Variants in ZC3H12D observed in about 807,000 individuals in gnomAD.
ZC3H12D encodes zinc finger CCCH-type containing 12D.
A neutral mutation model predicts 24.2 loss-of-function variants in ZC3H12D; 11 were observed. The ratio of observed to expected loss-of-function variants is 0.46; its 90% confidence interval spans 0.29 to 0.75. The LOEUF (loss-of-function observed/expected upper bound fraction) is 0.75, where lower values mean the gene tolerates loss of function less well. ZC3H12D is among the 30% of genes least tolerant of loss of function. ZC3H12D has a pLI of 0.11. For missense variants in ZC3H12D, 740 were observed against 767.7 expected, an observed-to-expected ratio of 0.96 and a Z score of 0.43; for synonymous variants, 333 against 341.8, an observed-to-expected ratio of 0.97 and a Z score of 0.28.
rs1775923152 is a variant in ZC3H12D at position 149,452,807 on chromosome 6, C to T, written c.681-85G>A. On this transcript the variant is annotated intron_variant, in intron 4 of 5. Coordinates refer to ENST00000409806, the MANE Select transcript of ZC3H12D (RefSeq NM_207360.3). This position sits in a 1 kb window ranked among gnomAD's most constrained non-coding sequence, Gnocchi z 4.0. ...ACAAAGGGAGCAGGCCCAAGTTCCCCAAGAACACCAGGAAGCATTCGGCCC... is the reference window on the plus strand; with the variant it reads ...ACAAAGGGAGCAGGCCCAAGTTCCCTAAGAACACCAGGAAGCATTCGGCCC... 2 of 1,227,706 alleles carry T rather than the reference C, an allele frequency of 1.6e-6. No homozygotes were observed. Among genetic ancestry groups the T allele is most frequent in the African/African-American group, 3.0e-5 (2 of 66,762 alleles). The allele number at this position is 1,227,706 out of a possible 1,614,324, so 76.1% of individuals were successfully genotyped here.
intron 3 of ZC3H12D, among the ~76,000 whole-genome samples, chr6:149,461,351 A>AG (rs1269802244): frequency 1.8e-3 from 235 of 131,014 alleles, no homozygotes; most frequent in African/African-American, 8.0e-3. Flanking sequence ...AAAAAAAAAA[A>AG]AAAGAAGAAG....
chr6:149,474,935 G>T (rs1776311942), intron 1 of ZC3H12D, among the ~76,000 whole-genome samples: 1 of 151,030 alleles, frequency 6.6e-6, no homozygotes, highest in Non-Finnish European at 1.5e-5. Context: ...CAGACTCTGT[G>T]GGGGGCTGAA....
intron 4 of ZC3H12D, among the ~76,000 whole-genome samples, chr6:149,454,945 C>A (rs548685375): frequency 1.3e-5 from 2 of 152,258 alleles, no homozygotes; most frequent in Non-Finnish European, 2.9e-5. Flanking sequence ...CCTTGGGGAC[C>A]ACAGTACCCC....
intron 2 of ZC3H12D, among the ~76,000 whole-genome samples, chr6:149,471,862 T>A (rs1297245687): frequency 6.6e-6 from 1 of 152,218 alleles, no homozygotes; most frequent in Admixed American, 6.5e-5. Flanking sequence ...GGTGTCCCAC[T>A]CAGTCTTTAA....
chr6:149,470,817 G>T (rs1311993073), intron 2 of ZC3H12D, among the ~76,000 whole-genome samples: 1 of 152,208 alleles, frequency 6.6e-6, no homozygotes, highest in African/African-American at 2.4e-5. Flanking sequence ...CCAGTTCCTT[G>T]GTTGCACTGG....
In ZC3H12D at chr6:149,456,623, G is replaced by GGGGGGGGGGCC; in HGVS notation, c.680+42_680+43insGGCCCCCCCCC. On this transcript the variant is annotated intron_variant, in intron 4 of 5. Coordinates refer to ENST00000409806, the MANE Select transcript of ZC3H12D (RefSeq NM_207360.3). The surrounding 1 kb of genome is among the most constrained non-coding windows in gnomAD (Gnocchi z 4.3). The stretch of plus-strand genomic sequence containing the variant: ...GCCACTGCCTCGACCCCGGCCCCCC[G>GGGGGGGGGGCC]CCCCGCCGCCCCCCAGGGTGTCAGG... 1 of 744,584 alleles carries GGGGGGGGGGCC rather than the reference G, an allele frequency of 1.3e-6. No individual in the cohort carries two copies. The highest frequency in any genetic ancestry group is 2.2e-6 in the Non-Finnish European group (1 of 456,104). 46.1% of individuals were successfully genotyped at this position (744,584 alleles called of 1,614,324 possible). A position where few individuals can be genotyped will look rare whatever the true frequency, so the allele number is the denominator to read the frequency against.
intron 3 of ZC3H12D, among the ~76,000 whole-genome samples, chr6:149,460,932 G>T (rs562286746): frequency 6.6e-6 from 1 of 152,196 alleles, no homozygotes; most frequent in East Asian, 1.9e-4. Context: ...TGAGCCAGGG[G>T]AGAGCAAGTC....
intron 1 of ZC3H12D, 58 bp from the exon 2 acceptor site, chr6:149,474,671 A>G (rs1484993469): frequency 3.4e-6 from 3 of 879,240 alleles, no homozygotes; most frequent in Non-Finnish European, 4.7e-6. Flanking sequence ...GGGCAAGGGC[A>G]AGGTGTGCCT....
At chr6:149,472,880 C>G (rs1043146345) in intron 2 of ZC3H12D, among the ~76,000 whole-genome samples, 1 of 152,092 alleles carries the variant, frequency 6.6e-6, no homozygotes, top group African/African-American at 2.4e-5. Flanking sequence ...CATATAGAGG[C>G]CAGGCCCCTC....
chr6:149,470,561 A>G (rs1461348550), intron 2 of ZC3H12D, among the ~76,000 whole-genome samples: 1 of 152,086 alleles, frequency 6.6e-6, no homozygotes, highest in Non-Finnish European at 1.5e-5. Context: ...AATAAAATGT[A>G]TATATTTATT....
At chr6:149,460,038 CGT>C in intron 3 of ZC3H12D, among the ~76,000 whole-genome samples, 1 of 152,324 alleles carries the variant, frequency 6.6e-6, no homozygotes, top group Middle Eastern at 3.4e-3. Context: ...TGTAGTGTGA[CGT>C]GTGACTCATG....
chr6:149,461,322 A>G (rs2115005505), intron 3 of ZC3H12D, among the ~76,000 whole-genome samples: 1 of 148,136 alleles, frequency 6.8e-6, no homozygotes, highest in East Asian at 2.0e-4. Flanking sequence ...GCTTGGCGAC[A>G]GAGCAAGATT....
chr6:149,478,348 T>C (rs946560962), intron 1 of ZC3H12D, among the ~76,000 whole-genome samples: 1 of 152,118 alleles, frequency 6.6e-6, no homozygotes, highest in African/African-American at 2.4e-5. Context: ...ACCCAGACGT[T>C]AAAGAGATTT....
rs184281600 is a variant in ZC3H12D, at chr6:149,465,980, C to G, written c.306-4010G>C. ...AGCACAGACTGGGCAGGCTGCAAGC[C>G]CCTCAGAGAAACCAGGTTTCTGCAA... On this transcript the variant is annotated intron_variant, in intron 2 of 5. Coordinates refer to ENST00000409806, the MANE Select transcript of ZC3H12D (RefSeq NM_207360.3). 5.6e-4 allele frequency among the ~76,000 whole-genome samples: 85 copies of G among 152,138 alleles called. 1 individual carries two copies. The highest frequency in any genetic ancestry group is 2.1e-3 in the Admixed American group (32 of 15,272).
At chr6:149,475,002 C>T (rs1451989970) in intron 1 of ZC3H12D, among the ~76,000 whole-genome samples, 1 of 152,082 alleles carries the variant, frequency 6.6e-6, no homozygotes, top group African/African-American at 2.4e-5. Flanking sequence ...CAGAGTGTGA[C>T]TATATTTAGA....
chr6:149,466,111 G>C (rs1277301638), intron 2 of ZC3H12D, among the ~76,000 whole-genome samples: 3 of 152,094 alleles, frequency 2.0e-5, no homozygotes, highest in Non-Finnish European at 2.9e-5. Context: ...GGACAAGCTG[G>C]CACCAGTGAG....
chr6:149,458,148 T>TC (rs1562472757), intron 3 of ZC3H12D, among the ~76,000 whole-genome samples: 52 of 128,058 alleles, frequency 4.1e-4, no homozygotes, highest in African/African-American at 1.6e-3. Flanking sequence ...TTTTTTTTTT[T>TC]TTTTTGAGAC....
chr6:149,462,937 T>G (rs1197909963), intron 2 of ZC3H12D, among the ~76,000 whole-genome samples: 1 of 152,202 alleles, frequency 6.6e-6, no homozygotes, highest in Admixed American at 6.5e-5. Context: ...GCTTCCTTGC[T>G]CCTCAGTTTG....
chr6:149,452,505 G>T lies in ZC3H12D; in HGVS notation c.787+111C>A. On this transcript the variant is annotated intron_variant, in intron 5 of 5. Coordinates refer to ENST00000409806, the MANE Select transcript of ZC3H12D (RefSeq NM_207360.3). The surrounding 1 kb of genome is among the most constrained non-coding windows in gnomAD (Gnocchi z 4.0). ...GTAGCACAGCTGGAGGGCAGAACTT[G>T]GGCAAGAGCCCAGGCCGCTGAGCAC... is the stretch of plus-strand genomic sequence containing the variant. 1 of 895,196 alleles carries T rather than the reference G, an allele frequency of 1.1e-6. No individual in the cohort carries two copies. Among genetic ancestry groups the T allele is most frequent in the Non-Finnish European group, 1.6e-6 (1 of 626,200 alleles). 55.5% of individuals were successfully genotyped at this position (895,196 alleles called of 1,614,324 possible). A position where few individuals can be genotyped will look rare whatever the true frequency, so the allele number is the denominator to read the frequency against.
Sources: gnomAD v4.1 joint callset for allele counts (sites outside exome capture counted in the v4.1 genomes callset) on GRCh38, gnomAD v4.1.1 for gene constraint, Gnocchi (gnomAD v3.1) non-coding constraint, MANE v1.5 for transcripts, NCBI Gene and HGNC (gene_info 2026-07-23, HGNC 2026-07-21) for gene names.